Variants in DOCK7 observed in about 807,000 individuals in gnomAD.
DOCK7 encodes dedicator of cytokinesis protein 7.
A neutral mutation model predicts 271.0 loss-of-function variants in DOCK7; 138 were observed. The observed-to-expected ratio is 0.51, with a 90% CI of 0.44 to 0.59. The LOEUF (loss-of-function observed/expected upper bound fraction) is 0.59, where lower values mean the gene tolerates loss of function less well. DOCK7 is among the 20% of genes least tolerant of loss of function. The pLI is 0.00. For missense variants in DOCK7, 2,066 were observed against 2,592.4 expected (o/e 0.80, Z 4.41); for synonymous variants, 823 against 876.1 (o/e 0.94, Z 1.07).
intron 31 of DOCK7, among the ~76,000 whole-genome samples, chr1:62,518,790 A>G (rs1644754830): frequency 6.6e-6 from 1 of 152,028 alleles, no homozygotes; most frequent in South Asian, 2.1e-4. Flanking sequence ...AAAAAAAACT[A>G]TAATGGGGTA....
At chr1:62,680,065 G>A (rs1032680070) in intron 1 of DOCK7, among the ~76,000 whole-genome samples, 11 of 152,034 alleles carry the variant, frequency 7.2e-5, no homozygotes, top group African/African-American at 2.7e-4. Context: ...ACCAAAAAAG[G>A]GCCCACATTG....
intron 18 of DOCK7, among the ~76,000 whole-genome samples, chr1:62,564,378 G>C (rs1646439002): frequency 6.6e-6 from 1 of 152,068 alleles, no homozygotes; most frequent in South Asian, 2.1e-4. Context: ...AGACCACAGT[G>C]CAATCAAATT....
At chr1:62,575,001 G>A (rs956104596) in intron 18 of DOCK7, among the ~76,000 whole-genome samples, 2 of 151,926 alleles carry the variant, frequency 1.3e-5, no homozygotes, top group Non-Finnish European at 2.9e-5. Flanking sequence ...AAAGTGCTGG[G>A]ATTACAGGCA....
Position 62,688,289 on chromosome 1 carries a change from G to T in DOCK7, c.-25C>A. On this transcript the variant is annotated 5_prime_UTR_variant, in exon 1 of 50. Transcript: ENST00000635253. ...TGGCTGCTGCGGCGACGGCGACGGC[G>T]GCGGCGGCTGCGGCGGGCCGGGTGC... is the stretch of plus-strand genomic sequence containing the variant. 8.0e-7 allele frequency: 1 copy of T among 1,255,320 alleles called. No homozygotes were observed. The highest frequency in any genetic ancestry group is 3.5e-5 in the East Asian group (1 of 28,316). 77.8% of individuals were successfully genotyped at this position (1,255,320 alleles called of 1,614,324 possible).
intron 2 of DOCK7, among the ~76,000 whole-genome samples, chr1:62,662,715 C>T (rs1658809643): frequency 1.3e-5 from 2 of 152,148 alleles, no homozygotes; most frequent in Admixed American, 1.3e-4. Flanking sequence ...GAGCCGAGAA[C>T]GCGCCACTGC....
At position 62,625,332 on chromosome 1, in the gene DOCK7, G is replaced by C. The variant is rs370285185; in HGVS notation, c.1352C>G (p.Thr451Arg). 1 of 1,613,638 alleles carries C rather than the reference G, an allele frequency of 6.2e-7. No homozygotes were observed. The highest frequency in any genetic ancestry group is 2.2e-5 in the East Asian group (1 of 44,828). The change falls in exon 12 of 50, where the codon ACA becomes AGA. Residue 451 changes from threonine (T) to arginine (R), a missense_variant. Transcript: ENST00000635253. ...IVGRRSLERT[T>R]SGDDACNLTS... Reference sequence around the variant, plus strand: ...CAAGTTACAAGCATCATCTCCACTTGTTGTCCTTTCAAGTGATCGTCTGCC... The same window carrying C: ...CAAGTTACAAGCATCATCTCCACTTCTTGTCCTTTCAAGTGATCGTCTGCC...
chr1:62,478,678 G>A (rs1350282405), intron 43 of DOCK7: 1 of 152,110 alleles, frequency 6.6e-6, no homozygotes, highest in Non-Finnish European at 1.5e-5. Context: ...CTCCCAAAGT[G>A]CTGAGATTAT....
chr1:62,662,704 T>A (rs893667555), intron 2 of DOCK7, among the ~76,000 whole-genome samples: 1 of 152,076 alleles, frequency 6.6e-6, no homozygotes, highest in Non-Finnish European at 1.5e-5. Context: ...GAAGTTGCAG[T>A]GAGCCGAGAA....
intron 2 of DOCK7, among the ~76,000 whole-genome samples, chr1:62,657,171 T>C (rs1658116918): frequency 6.6e-6 from 1 of 152,134 alleles, no homozygotes; most frequent in African/African-American, 2.4e-5. Flanking sequence ...CAATGCCTAG[T>C]GTAACAAGGT....
chr1:62,513,076 T>C (rs966700167), intron 33 of DOCK7, among the ~76,000 whole-genome samples: 3 of 151,912 alleles, frequency 2.0e-5, no homozygotes, highest in African/African-American at 4.8e-5. Flanking sequence ...AAGGGGTATA[T>C]GGGAAATCTC....
At chr1:62,626,555 C>A (rs1156653102) in intron 11 of DOCK7, among the ~76,000 whole-genome samples, 1 of 150,332 alleles carries the variant, frequency 6.7e-6, no homozygotes, top group Non-Finnish European at 1.5e-5. Context: ...CATTTACAGA[C>A]TTTACAGAGT....
intron 18 of DOCK7, among the ~76,000 whole-genome samples, chr1:62,567,367 A>G (rs1364147549): frequency 6.6e-6 from 1 of 152,242 alleles, no homozygotes; most frequent in Non-Finnish European, 1.5e-5. Flanking sequence ...CTATGCAGCC[A>G]TAAAAAAGGA....
At chr1:62,609,500 G>C (rs567898071) in intron 14 of DOCK7, 4 of 152,232 alleles carry the variant, frequency 2.6e-5, no homozygotes, top group African/African-American at 4.8e-5. Flanking sequence ...TACTTCATGG[G>C]ATTGTAATCA....
At chr1:62,548,277 T>A (rs1185769301) in intron 22 of DOCK7, among the ~76,000 whole-genome samples, 1 of 151,460 alleles carries the variant, frequency 6.6e-6, no homozygotes, top group Non-Finnish European at 1.5e-5. Context: ...AGCCACTGGT[T>A]ATACATTTAA....
chr1:62,668,975 A>C (rs1659631844), intron 1 of DOCK7, among the ~76,000 whole-genome samples: 1 of 151,818 alleles, frequency 6.6e-6, no homozygotes. Flanking sequence ...CTTAGTGGGG[A>C]AACGAACAAA....
At chr1:62,568,829 T>C (rs1646625194) in intron 18 of DOCK7, among the ~76,000 whole-genome samples, 2 of 145,542 alleles carry the variant, frequency 1.4e-5, no homozygotes, top group Non-Finnish European at 3.0e-5. Flanking sequence ...AAAAAATTAA[T>C]AAAATAGACT....
At chr1:62,498,213 T>C (rs1165417221) in intron 37 of DOCK7, among the ~76,000 whole-genome samples, 3 of 152,066 alleles carry the variant, frequency 2.0e-5, no homozygotes, top group Non-Finnish European at 4.4e-5. Context: ...GGCAACAGAG[T>C]AAGACCTCAT....
chr1:62,487,206 C>T, intron 43 of DOCK7, 192 bp downstream of exon 43: 1 of 520,666 alleles, frequency 1.9e-6, no homozygotes. Flanking sequence ...CATGCACTGC[C>T]TACGACCTCA....
intron 19 of DOCK7, among the ~76,000 whole-genome samples, chr1:62,560,985 G>A (rs2149443059): frequency 6.6e-6 from 1 of 152,284 alleles, no homozygotes; most frequent in South Asian, 2.1e-4. Context: ...GTGTATGTAT[G>A]TGTGTTATAT....
Sources: allele counts gnomAD v4.1 joint callset (sites outside exome capture counted in the v4.1 genomes callset), GRCh38; gene constraint gnomAD v4.1.1; transcripts MANE v1.5; gene names NCBI Gene and HGNC (gene_info 2026-07-23, HGNC 2026-07-21).